The following NEGR1 variants were observed in gnomAD, a reference collection of about 807,000 sequenced individuals.
NEGR1 encodes the protein neuronal growth regulator 1, also known as IgLON family member 4.
Under a neutral mutation model 40.9 loss-of-function variants are expected in NEGR1, and 10 were observed. That is an observed-to-expected ratio of 0.24 (90% CI 0.15 to 0.42). NEGR1 has a LOEUF of 0.42. Among genes scored for constraint, NEGR1 ranks in the 10% least tolerant of loss-of-function variants. The pLI is 1.00. For synonymous variants in NEGR1, 185 were observed against 166.8 expected (o/e 1.11, Z -0.84); for missense variants, 352 against 438.9 (o/e 0.80, Z 1.77).
intron 6 of NEGR1, among the ~76,000 whole-genome samples, chr1:71,521,205 C>T (rs1185494825): frequency 1.3e-5 from 2 of 151,920 alleles, no homozygotes; most frequent in Non-Finnish European, 2.9e-5. Context: ...CACTACATAC[C>T]CAGCTGAATG....
At chr1:71,826,419 T>TATGTCACTC (rs1240700396) in intron 2 of NEGR1, among the ~76,000 whole-genome samples, 1 of 151,966 alleles carries the variant, frequency 6.6e-6, no homozygotes, top group Non-Finnish European at 1.5e-5. Flanking sequence ...AATGAAAATA[T>TATGTCACTC]ATGTCACTCA....
At chr1:72,100,994 C>A (rs1259856646) in intron 1 of NEGR1, 1 of 152,188 alleles carries the variant, frequency 6.6e-6, no homozygotes, top group South Asian at 2.1e-4. Context: ...ATAATCCCAT[C>A]AGACCAGAGC....
intron 1 of NEGR1, among the ~76,000 whole-genome samples, chr1:71,935,820 G>T (rs1645900224): frequency 6.6e-6 from 1 of 151,934 alleles, no homozygotes. Flanking sequence ...TTTATTTGAG[G>T]CAGGGTCTTA....
chr1:71,511,008 A>G (rs1471155630), intron 6 of NEGR1, among the ~76,000 whole-genome samples: 1 of 152,232 alleles, frequency 6.6e-6, no homozygotes, highest in African/African-American at 2.4e-5. Flanking sequence ...GCCTGAAACA[A>G]TATCAAAATG....
chr1:71,701,987 G>C (rs1009424134), intron 3 of NEGR1, among the ~76,000 whole-genome samples: 3 of 152,022 alleles, frequency 2.0e-5, no homozygotes, highest in Admixed American at 6.6e-5. Flanking sequence ...GGAGCAATAA[G>C]AGGGGGTATA....
At chr1:72,237,212 T>C (rs1471246332) in intron 1 of NEGR1, among the ~76,000 whole-genome samples, 1 of 151,992 alleles carries the variant, frequency 6.6e-6, no homozygotes, top group Non-Finnish European at 1.5e-5. Context: ...TTTAATAATT[T>C]ACTTTCTTAA....
chr1:72,192,728 C>A (rs2100431797), intron 1 of NEGR1, among the ~76,000 whole-genome samples: 1 of 151,850 alleles, frequency 6.6e-6, no homozygotes, highest in Middle Eastern at 3.4e-3. Flanking sequence ...GAATGGTGGG[C>A]TTCTTCTAGA....
At chr1:71,546,947 A>G (rs186124484) in intron 6 of NEGR1, among the ~76,000 whole-genome samples, 1 of 151,732 alleles carries the variant, frequency 6.6e-6, no homozygotes, top group African/African-American at 2.4e-5. Flanking sequence ...CTCCTAGTCA[A>G]TCAGGCCGCA....
chr1:71,407,717 A>G, intron 6 of NEGR1, 147 bp from the exon 7 acceptor site: 2 of 676,286 alleles, frequency 3.0e-6, no homozygotes, highest in African/African-American at 1.8e-5. Context: ...CTGCTATATG[A>G]CAACGTGTGG....
chr1:72,271,062 A>G (rs551331223), intron 1 of NEGR1, among the ~76,000 whole-genome samples: 137 of 152,016 alleles, frequency 9.0e-4, no homozygotes, highest in African/African-American at 3.3e-3. Context: ...TCAAGGTCAC[A>G]TAGCCAGTAA....
intron 1 of NEGR1, among the ~76,000 whole-genome samples, chr1:72,236,921 T>A (rs567926624): frequency 3.3e-5 from 5 of 152,124 alleles, no homozygotes; most frequent in Admixed American, 3.3e-4. Context: ...TTGCGTTAAT[T>A]CCATTTTGTA....
At chr1:71,449,106 A>G (rs1038822136) in intron 6 of NEGR1, among the ~76,000 whole-genome samples, 1 of 152,204 alleles carries the variant, frequency 6.6e-6, no homozygotes, top group South Asian at 2.1e-4. Flanking sequence ...TACTTCCTAC[A>G]GTCAGTGGCT....
At chr1:72,128,361 A>C in intron 1 of NEGR1, among the ~76,000 whole-genome samples, 1 of 152,176 alleles carries the variant, frequency 6.6e-6, no homozygotes, top group East Asian at 1.9e-4. Flanking sequence ...AGAAAGTATT[A>C]AAGTGCAGCA....
intron 6 of NEGR1, among the ~76,000 whole-genome samples, chr1:71,512,739 G>C (rs1349540586): frequency 6.6e-6 from 1 of 151,926 alleles, no homozygotes; most frequent in African/African-American, 2.4e-5. Context: ...CCACCACCAC[G>C]CCTGGCTACG....
At chr1:71,513,634 T>A (rs1216920855) in intron 6 of NEGR1, among the ~76,000 whole-genome samples, 4 of 152,232 alleles carry the variant, frequency 2.6e-5, no homozygotes. Flanking sequence ...TATGTTTTCA[T>A]CCTGATTTTA....
chr1:71,923,197 C>T (rs561974579), intron 2 of NEGR1, among the ~76,000 whole-genome samples: 5 of 152,172 alleles, frequency 3.3e-5, no homozygotes, highest in South Asian at 2.1e-4. Context: ...TTTCACAACC[C>T]GCCATGCATT....
At chr1:71,778,657 G>A (rs921797395) in intron 2 of NEGR1, among the ~76,000 whole-genome samples, 11 of 151,840 alleles carry the variant, frequency 7.2e-5, no homozygotes, top group East Asian at 1.9e-4. Flanking sequence ...TCTTAGTCTC[G>A]CCTAGCGACT....
At chr1:71,980,510 A>G (rs1013955034) in intron 1 of NEGR1, among the ~76,000 whole-genome samples, 1 of 152,142 alleles carries the variant, frequency 6.6e-6, no homozygotes, top group African/African-American at 2.4e-5. Flanking sequence ...TATACGTTTT[A>G]CAGATGAGAA....
chr1:71,640,240 T>C (rs1346355798), intron 4 of NEGR1, among the ~76,000 whole-genome samples: 4 of 152,040 alleles, frequency 2.6e-5, no homozygotes, highest in African/African-American at 9.7e-5. Flanking sequence ...GCTGTAACAA[T>C]AAGACAGAAA....
Sources: gnomAD v4.1 joint callset for allele counts (sites outside exome capture counted in the v4.1 genomes callset) on GRCh38, gnomAD v4.1.1 for gene constraint, MANE v1.5 for transcripts, NCBI Gene and HGNC (gene_info 2026-07-23, HGNC 2026-07-21) for gene names.